MICAL3: variants seen among roughly 807,000 people sequenced by gnomAD.
MICAL3 encodes [F-actin]-monooxygenase MICAL3.
MICAL3 carries 62 observed loss-of-function variants against 207.4 expected under a neutral mutation model. The ratio of observed to expected loss-of-function variants is 0.30; its 90% CI spans 0.24 to 0.37. MICAL3 has a LOEUF of 0.37. MICAL3 is among the 10% of genes least tolerant of loss of function. MICAL3 has a pLI of 1.00. For missense variants in MICAL3, 2,368 were observed against 2,635.6 expected (o/e 0.90, Z 2.22); for synonymous variants, 1,077 against 1,069.3 (o/e 1.01, Z -0.14).
chr22:17,877,813 A>T (rs1449547360), intron 16 of MICAL3, among the ~76,000 whole-genome samples: 1 of 152,010 alleles, frequency 6.6e-6, no homozygotes, highest in Non-Finnish European at 1.5e-5. Flanking sequence ...TCTCACTGCC[A>T]ATCTCTCCTA....
At chr22:17,852,445 C>T (rs116979929) in intron 19 of MICAL3, among the ~76,000 whole-genome samples, 2,407 of 152,150 alleles carry the variant, frequency 0.016, 39 homozygotes, top group East Asian at 0.052. Flanking sequence ...ATTAGTGTCT[C>T]GGAATGGAGA....
intron 1 of MICAL3, among the ~76,000 whole-genome samples, chr22:17,924,483 C>T (rs1076111): frequency 0.74 from 111,917 of 152,168 alleles, 41,731 homozygotes; most frequent in African/African-American, 0.85. Context: ...AAATCCAAAA[C>T]TGGAAATATT....
At chr22:17,815,730 C>T (rs183709247) in intron 27 of MICAL3, 14 of 152,472 alleles carry the variant, frequency 9.2e-5, no homozygotes, top group African/African-American at 2.4e-4. Context: ...CCAAGGGAGA[C>T]GAATGCACCA....
chr22:17,997,442 A>AC (rs1401632799), intron 1 of MICAL3, among the ~76,000 whole-genome samples: 3 of 152,060 alleles, frequency 2.0e-5, no homozygotes, highest in Non-Finnish European at 2.9e-5. Context: ...TAAAGTAATG[A>AC]CCCCCCACCT....
chr22:17,915,479 C>T (rs942919204), intron 1 of MICAL3, among the ~76,000 whole-genome samples: 7 of 152,200 alleles, frequency 4.6e-5, no homozygotes, highest in African/African-American at 1.4e-4. Context: ...ATGCAAGGTC[C>T]TACCAAGGCA....
At chr22:18,015,071 T>C (rs1047856875) in intron 1 of MICAL3, among the ~76,000 whole-genome samples, 10 of 152,154 alleles carry the variant, frequency 6.6e-5, no homozygotes, top group African/African-American at 2.2e-4. Flanking sequence ...AGGCCTGTGA[T>C]TGTGAAAAGT....
At position 17,906,808 on chromosome 22, in the gene MICAL3, T is replaced by G; in HGVS notation, c.5A>C (p.Glu2Ala). 1 of 1,600,512 alleles carries G rather than the reference T, an allele frequency of 6.2e-7. No homozygotes were observed. The change falls in exon 2 of 32, where the codon GAG (glutamate) becomes GCG (alanine). Residue 2 changes from glutamate to alanine, a missense_variant. Transcript: ENST00000441493. MEERKHETMNPA... is the reference protein window; with the variant it reads MAERKHETMNPA... Reference sequence around the variant, plus strand: ...GTTCATGGTCTCATGCTTCCTCTCCTCCATGCTGCCTCACTCTCAGCACTC... The same window carrying G: ...GTTCATGGTCTCATGCTTCCTCTCCGCCATGCTGCCTCACTCTCAGCACTC...
chr22:17,908,689 C>T lies in MICAL3; in HGVS notation c.-74-1803G>A, dbSNP rs115836881. Among the ~76,000 whole-genome samples the T allele has an allele frequency of 6.1e-3, 934 of 152,304 alleles. 13 individuals are homozygous for T. The highest frequency in any genetic ancestry group is 0.021 in the African/African-American group (879 of 41,556). On this transcript the variant is annotated intron_variant, in intron 1 of 31. Coordinates refer to ENST00000441493, the MANE Select transcript of MICAL3 (RefSeq NM_015241.3). ...TCCTGGTGCTCTCATCACAATGGCC[C>T]AGCACAGGCACATCACCAATTCACC... is the stretch of plus-strand genomic sequence containing the variant.
intron 19 of MICAL3, chr22:17,861,694 G>A: frequency 1.0e-6 from 1 of 985,318 alleles, no homozygotes; most frequent in Non-Finnish European, 1.2e-6. Context: ...TCTGTGCCAG[G>A]ACCACTAACA....
intron 20 of MICAL3, among the ~76,000 whole-genome samples, chr22:17,833,392 C>T (rs577331288): frequency 6.6e-6 from 1 of 152,220 alleles, no homozygotes; most frequent in African/African-American, 2.4e-5. Flanking sequence ...CAAGAAGCAT[C>T]AGGCACGAGA....
Position 17,818,310 on chromosome 22 carries a change from C to A in MICAL3, c.4351G>T (p.Ala1451Ser). 6.4e-7 allele frequency: 1 copy of A among 1,554,062 alleles called. No individual in the cohort carries two copies. The highest frequency in any genetic ancestry group is 1.9e-5 in the Admixed American group (1 of 53,456). The change falls in exon 26 of 32, where the codon GCC (alanine) becomes TCC (serine). Residue 1451 changes from alanine (A) to serine (S), a missense_variant. Transcript: ENST00000441493. ...GSQSFNTSDS[A>S]MLTPPSSPPP... is the part of the protein sequence containing the mutation. ...GGGCTGGAGGGGGGCGTGAGCATGG[C>A]GGAGTCCGAGGTGTTGAAGCTCTGG...
chr22:17,927,165 A>G (rs1000882248), intron 1 of MICAL3, among the ~76,000 whole-genome samples: 1 of 152,200 alleles, frequency 6.6e-6, no homozygotes, highest in Admixed American at 6.5e-5. Flanking sequence ...GGTACCTCAT[A>G]TAAGTAGAAT....
At chr22:17,989,166 G>A (rs1251548276) in intron 1 of MICAL3, among the ~76,000 whole-genome samples, 2 of 152,060 alleles carry the variant, frequency 1.3e-5, no homozygotes, top group African/African-American at 2.4e-5. Flanking sequence ...ATTTGACCAG[G>A]AGAATAAACA....
At chr22:17,890,560 C>T (rs1236841042) in intron 12 of MICAL3, among the ~76,000 whole-genome samples, 1 of 152,220 alleles carries the variant, frequency 6.6e-6, no homozygotes, top group African/African-American at 2.4e-5. Context: ...CCAGAGGTCA[C>T]TTACCTCCAT....
At position 17,790,834 on chromosome 22, in the gene MICAL3, T is replaced by C. The variant is rs770219429; in HGVS notation, c.5907A>G (p.Ser1969=). 2 of 1,613,712 alleles carry C rather than the reference T, an allele frequency of 1.2e-6. No individual in the cohort carries two copies. The highest frequency in any genetic ancestry group is 4.5e-5 in the East Asian group (2 of 44,884). The change falls in exon 32 of 32, where the codon TCA becomes TCG. Residue 1969 remains serine, a synonymous_variant. Transcript: ENST00000441493. ...GCTGCTCCTCCAGCAGCGCCACCAG[T>C]GAGTCTCTCTGCTCCACCACCTCCA... ...EMLEVVEQRD[S]LVALLEEQRL... is the part of the protein sequence containing the mutation.
Position 17,843,393 on chromosome 22 carries a change from AAT to A in MICAL3, c.2606-1378_2606-1377del, listed in dbSNP as rs1470330265. Among the ~76,000 whole-genome samples, 16 of 152,222 alleles carry A rather than the reference AAT, an allele frequency of 1.1e-4. No homozygotes were observed. The South Asian group carries it at 2.7e-3, about 26-fold the overall frequency. Reference sequence around the variant, plus strand: ...ATGAGTCCTCTGGTGTGTCCCCTGTAATGTGAGTAGCACCGGGTCCAGGTGGA... The same window carrying A: ...ATGAGTCCTCTGGTGTGTCCCCTGTAGTGAGTAGCACCGGGTCCAGGTGGA... On this transcript the variant is annotated intron_variant, in intron 19 of 31. Transcript: ENST00000441493.
At position 17,790,628 on chromosome 22, in the gene MICAL3, C is replaced by T; in HGVS notation, c.*104G>A. The T allele has an allele frequency of 5.5e-6, 6 of 1,085,124 alleles. No homozygotes were observed. In the South Asian group the frequency reaches 9.5e-5, roughly 17 times the overall value. The allele number at this position is 1,085,124 out of a possible 1,614,324, so 67.2% of individuals were successfully genotyped here. On this transcript the variant is annotated 3_prime_UTR_variant, in exon 32 of 32. Transcript: ENST00000441493. ...CAGCACACGGGCATCTGAGCGTAAA[C>T]TCCAAGGAGGTGCCAGGCCTCCTCA...
chr22:17,814,646 G>T (rs2062082916), intron 27 of MICAL3: 1 of 152,210 alleles, frequency 6.6e-6, no homozygotes, highest in Non-Finnish European at 1.5e-5. Flanking sequence ...ATACCATGCG[G>T]AAGTCAGGTC....
At chr22:17,854,454 G>A (rs1010722268) in intron 19 of MICAL3, among the ~76,000 whole-genome samples, 15 of 152,260 alleles carry the variant, frequency 9.9e-5, no homozygotes, top group African/African-American at 2.9e-4. Context: ...ACCCTTCACC[G>A]TGGCTGCCAA....
Sources: gnomAD v4.1 joint callset for allele counts (sites outside exome capture counted in the v4.1 genomes callset) on GRCh38, gnomAD v4.1.1 for gene constraint, MANE v1.5 for transcripts, NCBI Gene and HGNC (gene_info 2026-07-23, HGNC 2026-07-21) for gene names.